Variants in ABCC10 observed in about 807,000 individuals in gnomAD.
ABCC10 encodes ATP-binding cassette sub-family C member 10.
Under a neutral mutation model 143.2 loss-of-function variants are expected in ABCC10, and 110 were observed. The observed-to-expected ratio is 0.77, with a 90% CI of 0.66 to 0.90. The LOEUF is 0.90. ABCC10 is among the 40% of genes least tolerant of loss of function. The pLI, the probability that ABCC10 is intolerant of heterozygous loss-of-function variation, is 0.00. For missense variants in ABCC10, 1,700 were observed against 1,900.5 expected, an observed-to-expected ratio of 0.89 and a Z score of 1.96; for synonymous variants, 805 against 846.7, an observed-to-expected ratio of 0.95 and a Z score of 0.85.
rs771127730 is a variant in ABCC10 at position 43,447,332 on chromosome 6, C to G, written c.3629C>G (p.Ala1210Gly). Reference protein sequence around the residue: ...GLVSSFTQTEAMLVSVERLEE... With the variant: ...GLVSSFTQTEGMLVSVERLEE... ...GTGAGCAGCTTCACACAGACAGAGG[C>G]CATGCTGGTGAGCGTCGAGCGGCTG... The change falls in exon 17 of 22, where the codon GCC becomes GGC. Residue 1210 changes from alanine (A) to glycine (G), a missense_variant. Transcript: ENST00000372530. 2 of 1,613,584 alleles carry G rather than the reference C, an allele frequency of 1.2e-6. No individual in the cohort carries two copies. The highest frequency in any genetic ancestry group is 1.1e-5 in the South Asian group (1 of 91,082).
intron 5 of ABCC10, 66 bp from the exon 6 acceptor site, chr6:43,436,072 T>C (rs2127390050): frequency 6.2e-7 from 1 of 1,610,230 alleles, no homozygotes; most frequent in East Asian, 2.2e-5. Flanking sequence ...GTGAATTACA[T>C]GATTTACCCT....
In ABCC10 at chr6:43,435,811, G is replaced by A. The variant is rs1186435077; in HGVS notation, c.1669G>A (p.Val557Met). The A allele has an allele frequency of 6.2e-7, 1 of 1,614,076 alleles. No homozygotes were observed. The highest frequency in any genetic ancestry group is 8.5e-7 in the Non-Finnish European group (1 of 1,180,040). ...TCTTCCTCTCAACAACTTCCCTTGG[G>A]TGATCAATGGTCTCCTGGAGGCCAA... ...LILPLNNFPW[V>M]INGLLEAKVS... Residue 557 changes from valine to methionine, a missense_variant, in exon 5 of 22, where the codon GTG (valine) becomes ATG (methionine). Physicochemically the swap from Val to Met is conservative, Grantham distance 21. Transcript: ENST00000372530.
intron 2 of ABCC10, 125 bp downstream of exon 2, chr6:43,428,264 TC>T: frequency 5.2e-6 from 6 of 1,145,530 alleles, no homozygotes; most frequent in Non-Finnish European, 7.2e-6. Context: ...TAGAATAAAA[TC>T]TAAGCATTGC....
At chr6:43,441,241 G>A (rs1782423430) in intron 8 of ABCC10, among the ~76,000 whole-genome samples, 1 of 152,048 alleles carries the variant, frequency 6.6e-6, no homozygotes, top group Admixed American at 6.5e-5. Flanking sequence ...ACTTTGGGAG[G>A]CCAAGGTGGG....
At chr6:43,447,185 G>A (rs1783185723) in intron 16 of ABCC10, 63 bp from the exon 17 acceptor site, 2 of 1,562,804 alleles carry the variant, frequency 1.3e-6, no homozygotes, top group Admixed American at 3.5e-5. Flanking sequence ...CACAGCCTGG[G>A]GAGTCTCCCA....
chr6:43,433,351 G>T lies in ABCC10; in HGVS notation c.1371G>T (p.Ala457=). Residue 457 remains alanine, a synonymous_variant, in exon 3 of 22, where the codon GCG becomes GCT. Coordinates refer to ENST00000372530, the MANE Select transcript of ABCC10 (RefSeq NM_001198934.2). ...SNQEMLQHKD[A]RVKLVTELLS... is the part of the protein sequence containing the mutation. ...AGGAAATGCTACAGCACAAGGATGC[G>T]CGGGTTAAGGTGAGCGGGTACTTGG... The T allele has an allele frequency of 6.2e-7, 1 of 1,608,184 alleles. No homozygotes were observed. The highest frequency in any genetic ancestry group is 8.5e-7 in the Non-Finnish European group (1 of 1,175,502).
intron 1 of ABCC10, 71 bp downstream of exon 1, chr6:43,427,828 G>A (rs1171001680): frequency 2.2e-6 from 2 of 904,244 alleles, no homozygotes; most frequent in Admixed American, 3.9e-5. Flanking sequence ...CCGCGAGAAT[G>A]GGCGGGGTCT....
intron 14 of ABCC10, 70 bp from the exon 15 acceptor site, chr6:43,445,528 TC>T: frequency 2.3e-6 from 2 of 856,968 alleles, no homozygotes; most frequent in Non-Finnish European, 3.5e-6. Flanking sequence ...CCACCCCACC[TC>T]CCCCAGTGCT....
Position 43,435,797 on chromosome 6 carries a change from A to G in ABCC10, c.1655A>G (p.Asn552Ser), listed in dbSNP as rs779462758. 1.1e-5 allele frequency: 17 copies of G among 1,614,012 alleles called. 1 individual carries two copies. In the South Asian group the frequency reaches 1.2e-4, roughly 11 times the overall value. The change falls in exon 5 of 22, where the codon AAC becomes AGC. Residue 552 changes from asparagine (N) to serine (S), a missense_variant. Asn to Ser is a conservative substitution (Grantham distance 46). Transcript: ENST00000372530. ...ALVRMLILPL[N>S]NFPWVINGLL... The stretch of plus-strand genomic sequence containing the variant: ...GTGCGAATGCTCATTCTTCCTCTCA[A>G]CAACTTCCCTTGGGTGATCAATGGT...
chr6:43,433,532 T>C (rs139842432), intron 3 of ABCC10, among the ~76,000 whole-genome samples, 172 bp downstream of exon 3: 1 of 152,338 alleles, frequency 6.6e-6, no homozygotes, highest in East Asian at 1.9e-4. Flanking sequence ...ACTGGTTCAA[T>C]CACTTCAGAC....
At chr6:43,445,057 G>C (rs1782886705) in intron 13 of ABCC10, 68 bp from the exon 14 acceptor site, 1 of 1,592,774 alleles carries the variant, frequency 6.3e-7, no homozygotes, top group African/African-American at 1.3e-5. Flanking sequence ...GAGATGGCAT[G>C]GGGGAGGAGA....
intron 8 of ABCC10, among the ~76,000 whole-genome samples, chr6:43,439,310 T>C (rs1782079620): frequency 6.6e-6 from 1 of 152,138 alleles, no homozygotes; most frequent in Non-Finnish European, 1.5e-5. Context: ...CCCAGGTAAA[T>C]GTGGAATGTC....
intron 6 of ABCC10, among the ~76,000 whole-genome samples, chr6:43,437,354 G>T (rs1054676917): frequency 3.6e-5 from 5 of 137,952 alleles, no homozygotes; most frequent in Non-Finnish European, 7.6e-5. Flanking sequence ...TGAGAGCCCA[G>T]TCCCTTCTAG....
At chr6:43,441,273 C>T (rs1238318278) in intron 8 of ABCC10, among the ~76,000 whole-genome samples, 3 of 152,056 alleles carry the variant, frequency 2.0e-5, no homozygotes, top group South Asian at 2.1e-4. Context: ...GTCAGGAGAT[C>T]GAGACCATCC....
rs1783512322 is a variant in ABCC10 at position 43,449,447 on chromosome 6, C to T, written c.4229C>T (p.Ala1410Val). The T allele has an allele frequency of 4.3e-6, 7 of 1,613,730 alleles. No homozygotes were observed. In the East Asian group the frequency reaches 1.6e-4, roughly 36 times the overall value. ...AKILCIDEAT[A>V]SVDQKTDQLL... Reference sequence around the variant, plus strand: ...ATCCTGTGTATCGATGAGGCCACAGCAAGTGTGGACCAGAAGACAGACCAG... The same window carrying T: ...ATCCTGTGTATCGATGAGGCCACAGTAAGTGTGGACCAGAAGACAGACCAG... The change falls in exon 21 of 22, where the codon GCA becomes GTA. Residue 1410 changes from alanine (A) to valine (V), a missense_variant. By Grantham distance (64) the Ala-to-Val change is moderately conservative. Transcript: ENST00000372530.
chr6:43,444,007 T>C lies in ABCC10; in HGVS notation c.2491T>C (p.Ser831Pro). ...GGCTGAGAATGGACAAGAGTCTGAC[T>C]CAGGTATGGCTCCCCAGTGGGAGAA... ...AWAENGQESDSATAQSVQNPE... is the reference protein window; with the variant it reads ...AWAENGQESDPATAQSVQNPE... The change falls in exon 11 of 22, where the codon TCA becomes CCA. Residue 831 changes from serine (S) to proline (P), a missense_variant. Physicochemically the swap from Ser to Pro is moderately conservative, Grantham distance 74 (BLOSUM62 -1). Coordinates refer to ENST00000372530, the MANE Select transcript of ABCC10 (RefSeq NM_001198934.2). 6.2e-7 allele frequency: 1 copy of C among 1,614,000 alleles called. No individual in the cohort carries two copies. The highest frequency in any genetic ancestry group is 8.5e-7 in the Non-Finnish European group (1 of 1,179,844).
At position 43,436,212 on chromosome 6, in the gene ABCC10, C is replaced by T. The variant is rs562371923; in HGVS notation, c.1840C>T (p.Leu614=). ...CTCCTGGGACCCAGTTGGAACCAGC[C>T]TGGAGACCTTCATCAGTCATCTCGA... ...LFSWDPVGTS[L]ETFISHLEVK... The change falls in exon 6 of 22, where the codon CTG becomes TTG. Residue 614 remains leucine (L), a synonymous_variant. Transcript: ENST00000372530. The T allele has an allele frequency of 6.2e-7, 1 of 1,614,130 alleles. No homozygotes were observed. Among genetic ancestry groups the T allele is most frequent in the East Asian group, 2.2e-5 (1 of 44,884 alleles).
intron 4 of ABCC10, 118 bp downstream of exon 4, chr6:43,434,966 T>C (rs967665148): frequency 1.3e-5 from 14 of 1,100,818 alleles, no homozygotes; most frequent in African/African-American, 3.2e-5. Flanking sequence ...GCCTCATCTC[T>C]CAACCAAGGG....
chr6:43,447,048 A>G lies in ABCC10; in HGVS notation c.3545-200A>G, dbSNP rs1018426442. ...TTTTTAGTAGAGACAGGGTTTCACC[A>G]TGTTGGCCAGGCTGGTCTCAAACTC... On this transcript the variant is annotated intron_variant, in intron 16 of 21. Coordinates refer to ENST00000372530, the MANE Select transcript of ABCC10 (RefSeq NM_001198934.2). 15 of 780,398 alleles carry G rather than the reference A, an allele frequency of 1.9e-5. No homozygotes were observed. The Admixed American group carries it at 2.6e-4, about 13-fold the overall frequency. The allele number at this position is 780,398 out of a possible 1,614,324, so 48.3% of individuals were successfully genotyped here.
Sources: gnomAD v4.1 joint callset for allele counts (sites outside exome capture counted in the v4.1 genomes callset) on GRCh38, gnomAD v4.1.1 for gene constraint, MANE v1.5 for transcripts, NCBI Gene and HGNC (gene_info 2026-07-23, HGNC 2026-07-21) for gene names.